The following LRRC37A3 variants were observed in gnomAD, a reference collection of about 807,000 sequenced individuals.
The protein encoded by LRRC37A3 is leucine-rich repeat-containing protein 37A3.
In LRRC37A3, 25 loss-of-function variants were observed where a neutral mutation model predicts 106.2. The observed-to-expected ratio is 0.24, with a 90% CI of 0.17 to 0.33. The LOEUF (loss-of-function observed/expected upper bound fraction) is 0.33. Among genes scored for constraint, LRRC37A3 ranks in the 10% least tolerant of loss-of-function variants. The pLI, the probability that LRRC37A3 is intolerant of heterozygous loss-of-function variation, is 1.00. For synonymous variants in LRRC37A3, 305 were observed against 635.8 expected (o/e 0.48, Z 7.83); for missense variants, 712 against 1,644.9 (o/e 0.43, Z 9.81).
At chr17:64,873,374 G>A (rs1738805440) in intron 8 of LRRC37A3, among the ~76,000 whole-genome samples, 3 of 151,952 alleles carry the variant, frequency 2.0e-5, no homozygotes, top group South Asian at 4.2e-4. Flanking sequence ...TACCCAGGGT[G>A]GTCTTGAACT....
intron 8 of LRRC37A3, among the ~76,000 whole-genome samples, chr17:64,883,210 T>A (rs559212396): frequency 6.6e-6 from 1 of 152,200 alleles, no homozygotes; most frequent in South Asian, 2.1e-4. Context: ...AAAACCTCGA[T>A]ATGGTTGTTT....
chr17:64,859,128 T>G (rs187137260), intron 12 of LRRC37A3, among the ~76,000 whole-genome samples: 71 of 152,136 alleles, frequency 4.7e-4, no homozygotes, highest in Middle Eastern at 6.8e-3. Flanking sequence ...ATTTTCTTAT[T>G]TTTTGTGGAG....
intron 8 of LRRC37A3, chr17:64,881,065 C>T (rs999402866): frequency 4.7e-5 from 33 of 699,840 alleles, no homozygotes; most frequent in Admixed American, 8.0e-5. Flanking sequence ...ACCCAATATG[C>T]GCGATGTACT....
chr17:64,890,197 T>C (rs1419806278), intron 5 of LRRC37A3, among the ~76,000 whole-genome samples: 1 of 137,792 alleles, frequency 7.3e-6, no homozygotes, highest in Non-Finnish European at 1.5e-5. Flanking sequence ...TGGAGAACTA[T>C]AATGTGCATA....
At chr17:64,875,981 C>A (rs931256491) in intron 8 of LRRC37A3, among the ~76,000 whole-genome samples, 2 of 151,996 alleles carry the variant, frequency 1.3e-5, no homozygotes, top group African/African-American at 4.8e-5. Context: ...TGAACTACAA[C>A]GTTATAAAAT....
chr17:64,867,512 CT>C, intron 10 of LRRC37A3, among the ~76,000 whole-genome samples: 1 of 152,030 alleles, frequency 6.6e-6, no homozygotes, highest in Non-Finnish European at 1.5e-5. Context: ...ATGCTGAGGT[CT>C]TTTTTATGAA....
rs529089289 is a variant in LRRC37A3 at position 64,854,595 on chromosome 17, C to T, written c.*4G>A. The T allele has an allele frequency of 3.1e-6, 5 of 1,613,910 alleles. No homozygotes were observed. In the African/African-American group the frequency reaches 4.0e-5, roughly 13 times the overall value. On this transcript the variant is annotated 3_prime_UTR_variant, in exon 15 of 15. Transcript: ENST00000584306. ...GGAGGCCTGAGGTGGGCTGGGTTCT[C>T]CTCCTATGGCAGGGCTTCACTCTCC...
chr17:64,915,654 A>G (rs1974686777), intron 2 of LRRC37A3, among the ~76,000 whole-genome samples: 1 of 152,272 alleles, frequency 6.6e-6, no homozygotes. Context: ...GGTAAATCAG[A>G]CTTCATCAAA....
intron 11 of LRRC37A3, 63 bp downstream of exon 11, chr17:64,862,837 A>G: frequency 1.3e-6 from 2 of 1,565,344 alleles, no homozygotes; most frequent in South Asian, 2.2e-5. Flanking sequence ...TCATCATTAA[A>G]AATAAAAAGT....
At chr17:64,891,709 T>C (rs1487080841) in intron 5 of LRRC37A3, among the ~76,000 whole-genome samples, 1 of 147,326 alleles carries the variant, frequency 6.8e-6, no homozygotes, top group Admixed American at 6.6e-5. Context: ...CTCTCAGTAC[T>C]GGGAAGCAAA....
In LRRC37A3 at chr17:64,858,885, T is replaced by TA. The variant is rs540207138; in HGVS notation, c.4705-3dup. On this transcript the variant is annotated splice_polypyrimidine_tract_variant and splice_region_variant and intron_variant, in intron 12 of 14. Transcript: ENST00000584306. ...ATATCCTGGAAGTTCTTTTGTGAAC[T>TA]AAAAAAAAAAAAACCAGAATGAGAG... The TA allele has an allele frequency of 0.11, 134,477 of 1,180,764 alleles. 18 individuals carry two copies. The highest frequency in any genetic ancestry group is 0.12 in the East Asian group (4,061 of 33,342). The allele number at this position is 1,180,764 out of a possible 1,614,324, so 73.1% of individuals were successfully genotyped here. A position where few individuals can be genotyped will look rare whatever the true frequency, so the allele number is the denominator to read the frequency against.
chr17:64,866,628 A>ATATATTTT (rs1491179388), intron 10 of LRRC37A3, among the ~76,000 whole-genome samples: 1 of 17,864 alleles, frequency 5.6e-5, no homozygotes, highest in Non-Finnish European at 8.6e-5. Context: ...ATATATATAT[A>ATATATTTT]TTTTTTTTTT....
In LRRC37A3 at chr17:64,854,366, G is replaced by A; in HGVS notation, c.*233C>T. 1 of 658,602 alleles carries A rather than the reference G, an allele frequency of 1.5e-6. No individual in the cohort carries two copies. Among genetic ancestry groups the A allele is most frequent in the Non-Finnish European group, 2.6e-6 (1 of 383,394 alleles). 40.8% of individuals were successfully genotyped at this position (658,602 alleles called of 1,614,324 possible). On this transcript the variant is annotated 3_prime_UTR_variant, in exon 15 of 15. Transcript: ENST00000584306. ...CTGGTGCTTGATGAACCAAGGGAGA[G>A]GGCACCAAAAACAATGTTATTTAAT...
In LRRC37A3 at chr17:64,855,874, T is replaced by C; in HGVS notation, c.4825A>G (p.Arg1609Gly). 1 of 1,611,808 alleles carries C rather than the reference T, an allele frequency of 6.2e-7. No individual in the cohort carries two copies. Among genetic ancestry groups the C allele is most frequent in the Non-Finnish European group, 8.5e-7 (1 of 1,179,688 alleles). ...CCTTCTTCATCTTCTTGTAATGACC[T>C]TCGGTGACAACAGATCTGTTTTAGA... ...LCLIEICCHR[R>G]SLQEDEEGFS... The change falls in exon 14 of 15, where the codon AGG becomes GGG. Residue 1609 changes from arginine (R) to glycine (G), a missense_variant. Transcript: ENST00000584306.
intron 8 of LRRC37A3, among the ~76,000 whole-genome samples, chr17:64,870,083 ATTTTTTTTT>A (rs904361471): frequency 6.3e-5 from 7 of 110,390 alleles, no homozygotes; most frequent in African/African-American, 2.5e-4. Context: ...CAGAGACCAC[ATTTTTTTTT>A]TTTTTTTTTT....
At chr17:64,880,136 TA>T (rs1442041686) in intron 8 of LRRC37A3, among the ~76,000 whole-genome samples, 1 of 151,896 alleles carries the variant, frequency 6.6e-6, no homozygotes, top group Non-Finnish European at 1.5e-5. Context: ...CATTCGATAT[TA>T]TCCTATTTTC....
intron 9 of LRRC37A3, among the ~76,000 whole-genome samples, chr17:64,868,869 T>G (rs1973209514): frequency 6.6e-6 from 1 of 152,236 alleles, no homozygotes; most frequent in Non-Finnish European, 1.5e-5. Context: ...TGTGTCTACA[T>G]GTTGCAAATC....
chr17:64,869,534 T>TTC (rs1973233195), intron 8 of LRRC37A3, among the ~76,000 whole-genome samples: 1 of 121,062 alleles, frequency 8.3e-6, no homozygotes, highest in South Asian at 2.2e-4. Flanking sequence ...GTTCATCTAT[T>TTC]TTTTTTTTTT....
At chr17:64,905,120 G>A (rs1420789782) in intron 2 of LRRC37A3, among the ~76,000 whole-genome samples, 3 of 151,326 alleles carry the variant, frequency 2.0e-5, no homozygotes, top group South Asian at 2.1e-4. Context: ...ATTTATTAAA[G>A]CAATTTATTT....
Sources: allele counts gnomAD v4.1 joint callset (sites outside exome capture counted in the v4.1 genomes callset), GRCh38; gene constraint gnomAD v4.1.1; transcripts MANE v1.5; gene names NCBI Gene and HGNC (gene_info 2026-07-23, HGNC 2026-07-21).